The following MCC variants were observed in gnomAD, a reference collection of about 807,000 sequenced individuals.
MCC encodes colorectal mutant cancer protein.
A neutral mutation model predicts 116.2 loss-of-function variants in MCC; 90 were observed. The ratio of observed to expected loss-of-function variants is 0.77; its 90% CI spans 0.65 to 0.92. The LOEUF (loss-of-function observed/expected upper bound fraction) is 0.92, where lower values mean the gene tolerates loss of function less well. MCC is among the 40% of genes least tolerant of loss of function. MCC has a pLI of 0.00. For synonymous variants in MCC, 578 were observed against 510.5 expected, an observed-to-expected ratio of 1.13 and a Z score of -1.78; for missense variants, 1,516 against 1,312.2, an observed-to-expected ratio of 1.16 and a Z score of -2.40.
chr5:113,355,773 A>G (rs1041062367), intron 2 of MCC, among the ~76,000 whole-genome samples: 6 of 152,096 alleles, frequency 3.9e-5, no homozygotes, highest in African/African-American at 1.2e-4. Flanking sequence ...GATCTCATCT[A>G]ACTTTAATTA....
At chr5:113,253,677 G>A (rs1764887711) in intron 3 of MCC, among the ~76,000 whole-genome samples, 1 of 151,976 alleles carries the variant, frequency 6.6e-6, no homozygotes, top group Admixed American at 6.5e-5. Flanking sequence ...AAGAAAGCTG[G>A]GGAAAAAAGA....
rs1750554595 is a variant in MCC at position 113,026,418 on chromosome 5, T to C, written c.*884A>G. On this transcript the variant is annotated 3_prime_UTR_variant, in exon 19 of 19. Transcript: ENST00000408903. ...ATTCAGCAGAACAGCAATTATGTAG[T>C]GCCCTGGGGCGGGAAGTGCTAATAA... The C allele has an allele frequency of 6.6e-6, 1 of 152,278 alleles. No homozygotes were observed. 9.4% of individuals were successfully genotyped at this position (152,278 alleles called of 1,614,324 possible). A position where few individuals can be genotyped will look rare whatever the true frequency, so the allele number is the denominator to read the frequency against.
intron 5 of MCC, among the ~76,000 whole-genome samples, chr5:113,139,141 T>C (rs969370208): frequency 4.3e-4 from 65 of 152,278 alleles, no homozygotes; most frequent in African/African-American, 1.5e-3. Context: ...ACCAATATAG[T>C]AACCAAGCCC....
chr5:113,110,489 G>T (rs754285998), intron 6 of MCC, among the ~76,000 whole-genome samples: 1 of 152,242 alleles, frequency 6.6e-6, no homozygotes, highest in Non-Finnish European at 1.5e-5. Context: ...TACGTGGTGT[G>T]AAGTGATGTG....
At chr5:113,257,452 G>GTGAAGAAGAGGGA (rs1481032056) in intron 3 of MCC, among the ~76,000 whole-genome samples, 1 of 152,124 alleles carries the variant, frequency 6.6e-6, no homozygotes, top group Admixed American at 6.5e-5. Context: ...GAAAGCCAAG[G>GTGAAGAAGAGGGA]TGAAGAAGAG....
intron 14 of MCC, among the ~76,000 whole-genome samples, chr5:113,056,060 T>A (rs971022966): frequency 7.2e-5 from 11 of 152,206 alleles, no homozygotes; most frequent in African/African-American, 2.7e-4. Context: ...AGAATCTATA[T>A]CAAGAGATCG....
chr5:113,043,914 T>C (rs894612853), intron 16 of MCC, among the ~76,000 whole-genome samples: 2 of 152,232 alleles, frequency 1.3e-5, no homozygotes, highest in African/African-American at 2.4e-5. Context: ...GCATGCCATA[T>C]GCATTCAATC....
At chr5:113,169,192 G>A (rs573485142) in intron 3 of MCC, among the ~76,000 whole-genome samples, 1 of 152,078 alleles carries the variant, frequency 6.6e-6, no homozygotes, top group Non-Finnish European at 1.5e-5. Flanking sequence ...AGAAAAAGGG[G>A]AAAAGAATCC....
intron 3 of MCC, among the ~76,000 whole-genome samples, chr5:113,176,456 T>C (rs558142630): frequency 5.3e-5 from 8 of 152,318 alleles, no homozygotes; most frequent in East Asian, 1.9e-4. Flanking sequence ...ACATCTACTA[T>C]TGAAGCTCTA....
intron 2 of MCC, among the ~76,000 whole-genome samples, chr5:113,381,243 G>C (rs1327924200): frequency 6.6e-6 from 1 of 152,156 alleles, no homozygotes; most frequent in African/African-American, 2.4e-5. Context: ...CAGATGAACA[G>C]AAATATTTCC....
At chr5:113,215,891 C>G (rs1478099969) in intron 3 of MCC, among the ~76,000 whole-genome samples, 1 of 152,206 alleles carries the variant, frequency 6.6e-6, no homozygotes, top group Admixed American at 6.5e-5. Context: ...AATGCCTACA[C>G]TCAGTAGGGG....
chr5:113,066,863 C>T (rs1244820215), intron 13 of MCC, among the ~76,000 whole-genome samples: 1 of 152,228 alleles, frequency 6.6e-6, no homozygotes, highest in African/African-American at 2.4e-5. Context: ...GGCCTGCCCA[C>T]ACCATCCATC....
intron 3 of MCC, among the ~76,000 whole-genome samples, chr5:113,182,601 A>T (rs1342765759): frequency 6.6e-6 from 1 of 152,196 alleles, no homozygotes; most frequent in East Asian, 1.9e-4. Context: ...TCTCAAAGAA[A>T]AAAAAAAGAG....
chr5:113,384,640 T>G (rs185497188), intron 2 of MCC, among the ~76,000 whole-genome samples: 258 of 152,306 alleles, frequency 1.7e-3, no homozygotes, highest in African/African-American at 5.8e-3. Context: ...CCTTGAAACT[T>G]CCTCCCCAAA....
In MCC at chr5:113,026,573, A is replaced by C. The variant is rs557357367; in HGVS notation, c.*729T>G. Reference sequence around the variant, plus strand: ...GAGGGAGAAATCCCAGAATCAAGAGAGCGCTCCCTTCCCAGCCCTGCCTCC... The same window carrying C: ...GAGGGAGAAATCCCAGAATCAAGAGCGCGCTCCCTTCCCAGCCCTGCCTCC... On this transcript the variant is annotated 3_prime_UTR_variant, in exon 19 of 19. Transcript: ENST00000408903. 2 of 152,210 alleles carry C rather than the reference A, an allele frequency of 1.3e-5. No homozygotes were observed. The highest frequency in any genetic ancestry group is 2.9e-5 in the Non-Finnish European group (2 of 68,052). The allele number at this position is 152,210 out of a possible 1,614,324, so 9.4% of individuals were successfully genotyped here. A position where few individuals can be genotyped will look rare whatever the true frequency, so the allele number is the denominator to read the frequency against.
At chr5:113,186,324 G>C (rs139509873) in intron 3 of MCC, among the ~76,000 whole-genome samples, 4 of 152,260 alleles carry the variant, frequency 2.6e-5, no homozygotes, top group African/African-American at 9.6e-5. Flanking sequence ...CATTTTGTTT[G>C]ATTTGCAGTC....
At chr5:113,396,933 A>G (rs1769543303) in intron 1 of MCC, among the ~76,000 whole-genome samples, 1 of 152,244 alleles carries the variant, frequency 6.6e-6, no homozygotes. Context: ...CCTGGCAGAT[A>G]CAGTATTCAG....
At chr5:113,055,919 C>T (rs1182653282) in intron 14 of MCC, among the ~76,000 whole-genome samples, 1 of 152,256 alleles carries the variant, frequency 6.6e-6, no homozygotes, top group Non-Finnish European at 1.5e-5. Context: ...TTCCTCCAGA[C>T]AGCTTTCAGA....
At chr5:113,361,782 C>T (rs1768554562) in intron 2 of MCC, among the ~76,000 whole-genome samples, 2 of 152,228 alleles carry the variant, frequency 1.3e-5, no homozygotes. Flanking sequence ...TATATTCACT[C>T]TCTTCTGGAG....
Sources: allele counts gnomAD v4.1 joint callset (sites outside exome capture counted in the v4.1 genomes callset), GRCh38; gene constraint gnomAD v4.1.1; transcripts MANE v1.5; gene names NCBI Gene and HGNC (gene_info 2026-07-23, HGNC 2026-07-21).